DOCK1: variants seen among roughly 807,000 people sequenced by gnomAD.
DOCK1 encodes the protein dedicator of cytokinesis protein 1.
A neutral mutation model predicts 262.7 loss-of-function variants in DOCK1; 138 were observed. That is an observed-to-expected ratio of 0.53 (90% confidence interval 0.46 to 0.61). The LOEUF is 0.61. Among genes scored for constraint, DOCK1 ranks in the 20% least tolerant of loss-of-function variants. The pLI is 0.00. For missense variants in DOCK1, 1,908 were observed against 2,370.7 expected (o/e 0.80, Z 4.05); for synonymous variants, 866 against 867.4 (o/e 1.00, Z 0.03).
chr10:127,362,090 G>T lies in DOCK1; in HGVS notation c.3310G>T (p.Glu1104Ter). The T allele has an allele frequency of 6.2e-7, 1 of 1,612,274 alleles. No individual in the cohort carries two copies. Among genetic ancestry groups the T allele is most frequent in the Non-Finnish European group, 8.5e-7 (1 of 1,179,452 alleles). ...LGQHKIKFIPEMVGPILEMTL... is the reference protein window; with the variant it reads ...LGQHKIKFIP Reference sequence around the variant, plus strand: ...TCAACACAAGATAAAGTTCATTCCAGAAATGGTGGGCCCAATATTAGAAAT... The same window carrying T: ...TCAACACAAGATAAAGTTCATTCCATAAATGGTGGGCCCAATATTAGAAAT... The change falls in exon 33 of 52, where the codon GAA becomes TAA. Residue 1104 changes from glutamate (E) to a stop codon, truncating the protein, a stop_gained. Coordinates refer to ENST00000623213, the MANE Select transcript of DOCK1 (RefSeq NM_001290223.2). LOFTEE classifies it high-confidence loss of function.
intron 29 of DOCK1, among the ~76,000 whole-genome samples, chr10:127,259,204 C>T (rs2059929722): frequency 6.6e-6 from 1 of 152,142 alleles, no homozygotes. Context: ...GGGGTCTTGA[C>T]CTCTGCTCCT....
intron 27 of DOCK1, among the ~76,000 whole-genome samples, chr10:127,192,145 CTTCTT>C (rs1454800082): frequency 4.6e-5 from 7 of 152,264 alleles, no homozygotes; most frequent in Non-Finnish European, 7.4e-5. Flanking sequence ...GTAAGACTCT[CTTCTT>C]TTCTTTTTTT....
intron 29 of DOCK1, among the ~76,000 whole-genome samples, chr10:127,276,292 G>T (rs1244359394): frequency 3.3e-5 from 5 of 152,178 alleles, no homozygotes; most frequent in African/African-American, 1.2e-4. Flanking sequence ...CATTCTTAAA[G>T]CTTTCCAATA....
At chr10:126,972,705 A>T (rs1046683609) in intron 2 of DOCK1, among the ~76,000 whole-genome samples, 1 of 152,026 alleles carries the variant, frequency 6.6e-6, no homozygotes, top group South Asian at 2.1e-4. Context: ...AGCTCCTGGT[A>T]GACTCCTCTG....
intron 29 of DOCK1, among the ~76,000 whole-genome samples, chr10:127,263,104 A>G (rs183105574): frequency 3.9e-5 from 6 of 152,300 alleles, no homozygotes; most frequent in Non-Finnish European, 5.9e-5. Context: ...AAACATAACA[A>G]CTTTTCCACA....
intron 27 of DOCK1, among the ~76,000 whole-genome samples, chr10:127,167,666 G>T (rs950638091): frequency 1.3e-5 from 2 of 151,964 alleles, no homozygotes; most frequent in East Asian, 3.9e-4. Context: ...TAGCTCAGAG[G>T]CTAGGCCAGG....
chr10:127,169,234 T>C (rs1432588897), intron 27 of DOCK1, among the ~76,000 whole-genome samples: 1 of 152,200 alleles, frequency 6.6e-6, no homozygotes, highest in Non-Finnish European at 1.5e-5. Flanking sequence ...CCAGGTTGTA[T>C]GGGCTGATGA....
chr10:127,164,221 T>TCACCC (rs1197751624), intron 27 of DOCK1, among the ~76,000 whole-genome samples: 1 of 121,036 alleles, frequency 8.3e-6, no homozygotes, highest in Non-Finnish European at 1.6e-5. Context: ...TCCTGCTCTG[T>TCACCC]CACCCAGGCT....
At chr10:127,298,353 TGTA>T (rs1162264913) in intron 29 of DOCK1, among the ~76,000 whole-genome samples, 1 of 152,226 alleles carries the variant, frequency 6.6e-6, no homozygotes, top group Non-Finnish European at 1.5e-5. Flanking sequence ...TAGTGATAAT[TGTA>T]GCAGAGGGCT....
intron 1 of DOCK1, among the ~76,000 whole-genome samples, chr10:126,934,209 C>T (rs1026265264): frequency 2.4e-4 from 37 of 152,094 alleles, no homozygotes; most frequent in African/African-American, 9.7e-5. Context: ...TATAGTATTT[C>T]TATTGTCTTT....
chr10:127,399,672 A>C (rs2134285617), intron 38 of DOCK1, among the ~76,000 whole-genome samples: 1 of 152,338 alleles, frequency 6.6e-6, no homozygotes, highest in Non-Finnish European at 1.5e-5. Flanking sequence ...GCTTTTACTC[A>C]GGAATGAATT....
At chr10:127,308,616 C>T (rs542832681) in intron 29 of DOCK1, among the ~76,000 whole-genome samples, 19 of 152,200 alleles carry the variant, frequency 1.2e-4, no homozygotes, top group African/African-American at 3.1e-4. Flanking sequence ...CCCTGGTACG[C>T]GTTGTTCTCC....
chr10:127,393,628 C>T (rs185176729), intron 38 of DOCK1, among the ~76,000 whole-genome samples: 1 of 152,126 alleles, frequency 6.6e-6, no homozygotes, highest in African/African-American at 2.4e-5. Context: ...TAAAGTTTCT[C>T]TGCCTTTGTG....
At chr10:127,201,401 A>G (rs893419608) in intron 27 of DOCK1, among the ~76,000 whole-genome samples, 1 of 151,862 alleles carries the variant, frequency 6.6e-6, no homozygotes, top group Non-Finnish European at 1.5e-5. Flanking sequence ...GGGCCATGCC[A>G]CTCCTCTGGC....
intron 23 of DOCK1, among the ~76,000 whole-genome samples, chr10:127,089,173 A>T (rs1404785322): frequency 6.6e-6 from 1 of 152,110 alleles, no homozygotes; most frequent in Admixed American, 6.5e-5. Context: ...ACTGCCCTTG[A>T]TGGAGTGCCT....
chr10:127,220,885 G>A (rs2058409093), intron 27 of DOCK1, among the ~76,000 whole-genome samples: 2 of 152,006 alleles, frequency 1.3e-5, no homozygotes, highest in Non-Finnish European at 2.9e-5. Context: ...CACTTCACAG[G>A]CTCCATGGAG....
intron 23 of DOCK1, among the ~76,000 whole-genome samples, chr10:127,083,069 C>T (rs766408500): frequency 6.6e-6 from 1 of 152,166 alleles, no homozygotes; most frequent in Non-Finnish European, 1.5e-5. Context: ...CCATTGGACT[C>T]CCAGAGTCCT....
At chr10:127,123,486 G>A (rs541559832) in intron 25 of DOCK1, among the ~76,000 whole-genome samples, 1 of 152,218 alleles carries the variant, frequency 6.6e-6, no homozygotes, top group Non-Finnish European at 1.5e-5. Flanking sequence ...AAGCATTCCA[G>A]CCAGCTGGGC....
chr10:127,435,403 A>T (rs1009535447), intron 48 of DOCK1, among the ~76,000 whole-genome samples: 1 of 152,156 alleles, frequency 6.6e-6, no homozygotes. Flanking sequence ...CCAACGACTG[A>T]TGTGCCCGAT....
Sources: gnomAD v4.1 joint callset for allele counts (sites outside exome capture counted in the v4.1 genomes callset) on GRCh38, gnomAD v4.1.1 for gene constraint, MANE v1.5 for transcripts, NCBI Gene and HGNC (gene_info 2026-07-23, HGNC 2026-07-21) for gene names.